The following SERPINB11 variants were observed in gnomAD, a reference collection of about 807,000 sequenced individuals.
SERPINB11 encodes serpin B11.
SERPINB11 carries 32 observed loss-of-function variants against 36.7 expected under a neutral mutation model. The ratio of observed to expected loss-of-function variants is 0.87; its 90% CI spans 0.66 to 1.17. The LOEUF (loss-of-function observed/expected upper bound fraction) is 1.17, where lower values mean the gene tolerates loss of function less well. Among genes scored for constraint, SERPINB11 ranks in the 50% most tolerant of loss-of-function variants. The pLI is 0.00. For synonymous variants in SERPINB11, 174 were observed against 168.1 expected (o/e 1.04, Z -0.27); for missense variants, 528 against 458.4 (o/e 1.15, Z -1.39).
In SERPINB11 at chr18:63,720,010, A is replaced by G; in HGVS notation, c.476-3A>G. ...AATATAATTATCTTATTTTTTATAC[A>G]AGGAAAAGTCGCAAATCTCTTTGGA... On this transcript the variant is annotated splice_region_variant and splice_polypyrimidine_tract_variant and intron_variant, in intron 5 of 7. Coordinates refer to ENST00000544088, the MANE Select transcript of SERPINB11 (RefSeq NM_001370475.1). 6.3e-7 allele frequency: 1 copy of G among 1,591,316 alleles called. No individual in the cohort carries two copies. The highest frequency in any genetic ancestry group is 8.5e-7 in the Non-Finnish European group (1 of 1,171,448).
intron 5 of SERPINB11, among the ~76,000 whole-genome samples, chr18:63,717,963 G>A (rs1465824481): frequency 6.6e-6 from 1 of 151,934 alleles, no homozygotes; most frequent in African/African-American, 2.4e-5. Context: ...TTTTCTAGAA[G>A]TTTTATTGTT....
chr18:63,720,199 C>T, intron 6 of SERPINB11, 44 bp downstream of exon 6: 1 of 1,514,738 alleles, frequency 6.6e-7, no homozygotes. Context: ...TTGGAGGATA[C>T]AATAATCATT....
intron 1 of SERPINB11, among the ~76,000 whole-genome samples, 197 bp downstream of exon 1, chr18:63,703,203 G>A (rs1316688153): frequency 6.6e-6 from 1 of 152,134 alleles, no homozygotes; most frequent in Non-Finnish European, 1.5e-5. Flanking sequence ...TTGATAGTGT[G>A]CATTTAAAAA....
rs377393528 is a variant in SERPINB11 at position 63,723,070 on chromosome 18, G to A, written c.850G>A (p.Val284Ile). Residue 284 changes from valine (V) to isoleucine (I), a missense_variant, in exon 8 of 8, where the codon GTA becomes ATA. Coordinates refer to ENST00000544088, the MANE Select transcript of SERPINB11 (RefSeq NM_001370475.1). ...TAACATGATGGAAAGAGAAGTTGAA[G>A]TACACCTCCCCCGATTCAAACTTGA... Reference protein sequence around the residue: ...SSNMMEREVEVHLPRFKLETK... With the variant: ...SSNMMEREVEIHLPRFKLETK... The A allele has an allele frequency of 1.2e-6, 2 of 1,605,992 alleles. No individual in the cohort carries two copies. The highest frequency in any genetic ancestry group is 1.7e-6 in the Non-Finnish European group (2 of 1,175,942).
intron 5 of SERPINB11, among the ~76,000 whole-genome samples, chr18:63,716,458 AT>A (rs549654009): frequency 6.6e-6 from 1 of 152,154 alleles, no homozygotes; most frequent in Non-Finnish European, 1.5e-5. Flanking sequence ...CATTTCTTAA[AT>A]GTTTCTTAGA....
intron 1 of SERPINB11, among the ~76,000 whole-genome samples, chr18:63,704,932 G>T (rs992694915): frequency 6.6e-6 from 1 of 152,166 alleles, no homozygotes; most frequent in African/African-American, 2.4e-5. Flanking sequence ...ATCTGCCATC[G>T]GCAAATGAAT....
At chr18:63,720,786 G>A (rs1481829255) in intron 6 of SERPINB11, 45 bp from the exon 7 acceptor site, 3 of 1,387,354 alleles carry the variant, frequency 2.2e-6, no homozygotes, top group Non-Finnish European at 2.0e-6. Context: ...ACACACATGT[G>A]CACTCACATA....
intron 7 of SERPINB11, among the ~76,000 whole-genome samples, chr18:63,722,709 G>T (rs9961025): frequency 0.12 from 18,194 of 152,232 alleles, 1,646 homozygotes; most frequent in African/African-American, 0.25. Context: ...TCACAGGCGA[G>T]AGTGGGAGAA....
rs566928200 is a variant in SERPINB11, at chr18:63,712,584, T to C, written c.248T>C (p.Ile83Thr). Residue 83 changes from isoleucine to threonine, a missense_variant, in exon 4 of 8, where the codon ATT becomes ACT. Ile to Thr is a moderately conservative substitution (Grantham distance 89). Transcript: ENST00000544088. The stretch of plus-strand genomic sequence containing the variant: ...CTTCAGTGCAGCCAAGCTGGAAGAA[T>C]TCATTCCGAGTTTGGTGTCGAATTC... ...DSPKCSQAGR[I>T]HSEFGVEFSQ... is the part of the protein sequence containing the mutation. The C allele has an allele frequency of 5.6e-6, 9 of 1,613,802 alleles. No individual in the cohort carries two copies. The highest frequency in any genetic ancestry group is 1.7e-5 in the Admixed American group (1 of 60,016).
chr18:63,710,420 G>A, intron 2 of SERPINB11, 59 bp downstream of exon 2: 7 of 1,402,172 alleles, frequency 5.0e-6, no homozygotes, highest in South Asian at 3.1e-5. Context: ...TCCCGCTCTG[G>A]GTCAGCAAAA....
intron 6 of SERPINB11, 44 bp from the exon 7 acceptor site, chr18:63,720,787 C>T: frequency 1.5e-6 from 2 of 1,366,170 alleles, no homozygotes; most frequent in Non-Finnish European, 2.0e-6. Flanking sequence ...CACACATGTG[C>T]ACTCACATAT....
At chr18:63,715,256 G>T (rs1433024604) in intron 4 of SERPINB11, among the ~76,000 whole-genome samples, 2 of 152,230 alleles carry the variant, frequency 1.3e-5, no homozygotes, top group East Asian at 1.9e-4. Context: ...ACTCATTTGG[G>T]TCCATGTAGA....
chr18:63,715,196 C>A (rs916162506), intron 4 of SERPINB11, among the ~76,000 whole-genome samples: 1 of 152,116 alleles, frequency 6.6e-6, no homozygotes. Flanking sequence ...TTGAGTCCCA[C>A]TGGGCTGTGG....
At chr18:63,721,860 C>A (rs974144987) in intron 7 of SERPINB11, among the ~76,000 whole-genome samples, 1 of 152,104 alleles carries the variant, frequency 6.6e-6, no homozygotes, top group East Asian at 1.9e-4. Flanking sequence ...GGTATGCTTA[C>A]GGTTGTGGTT....
intron 4 of SERPINB11, among the ~76,000 whole-genome samples, chr18:63,713,688 G>A (rs1914587769): frequency 6.6e-6 from 1 of 152,164 alleles, no homozygotes; most frequent in South Asian, 2.1e-4. Flanking sequence ...AGGGAACGAT[G>A]TATGGAGAGT....
chr18:63,720,679 A>C, intron 6 of SERPINB11, 152 bp from the exon 7 acceptor site: 1 of 579,078 alleles, frequency 1.7e-6, no homozygotes. Context: ...TAACCTTTGC[A>C]AAGGGAAGTA....
chr18:63,717,280 G>A (rs143140283), intron 5 of SERPINB11, among the ~76,000 whole-genome samples: 1 of 152,104 alleles, frequency 6.6e-6, no homozygotes, highest in African/African-American at 2.4e-5. Context: ...TTTACTGTTA[G>A]TAAATACTTA....
chr18:63,711,669 G>A (rs1914530300), intron 3 of SERPINB11, among the ~76,000 whole-genome samples: 1 of 152,044 alleles, frequency 6.6e-6, no homozygotes, highest in South Asian at 2.1e-4. Context: ...CCTGTGTTGA[G>A]TTTGCCAGTT....
chr18:63,718,294 G>A (rs926451490), intron 5 of SERPINB11, among the ~76,000 whole-genome samples: 4 of 151,914 alleles, frequency 2.6e-5, no homozygotes, highest in Non-Finnish European at 5.9e-5. Context: ...TTCCATATAC[G>A]TTTTAAAATT....
Sources: allele counts gnomAD v4.1 joint callset (sites outside exome capture counted in the v4.1 genomes callset), GRCh38; gene constraint gnomAD v4.1.1; transcripts MANE v1.5; gene names NCBI Gene and HGNC (gene_info 2026-07-23, HGNC 2026-07-21).